Variants in TSC22D1 observed in about 807,000 individuals in gnomAD.
TSC22D1 encodes the protein TSC22 domain family protein 1.
TSC22D1 carries 9 observed loss-of-function variants against 74.2 expected under a neutral mutation model. The observed-to-expected ratio is 0.12, with a 90% confidence interval of 0.07 to 0.21. The LOEUF is 0.21. Among genes scored for constraint, TSC22D1 ranks in the 10% least tolerant of loss-of-function variants. The pLI is 1.00. For synonymous variants in TSC22D1, 586 were observed against 492.5 expected (o/e 1.19, Z -2.51); for missense variants, 1,427 against 1,304.7 (o/e 1.09, Z -1.44).
In TSC22D1 at chr13:44,574,490, T is replaced by C; in HGVS notation, c.1585A>G (p.Ser529Gly). 1 of 1,614,206 alleles carries C rather than the reference T, an allele frequency of 6.2e-7. No individual in the cohort carries two copies. Among genetic ancestry groups the C allele is most frequent in the African/African-American group, 1.3e-5 (1 of 75,058 alleles). Reference sequence around the variant, plus strand: ...TGTGGTATACTAACTGCTGGAATACTCTGTGGACCAGTGCTACCAAAATCC... The same window carrying C: ...TGTGGTATACTAACTGCTGGAATACCCTGTGGACCAGTGCTACCAAAATCC... The part of the protein sequence containing the change: ...QMDFGSTGPQ[S>G]IPAVSIPQSI... Residue 529 changes from serine to glycine, a missense_variant, in exon 1 of 3, where the codon AGT becomes GGT. By Grantham distance (56) the Ser-to-Gly change is moderately conservative. Transcript: ENST00000458659.
intron 1 of TSC22D1, chr13:44,539,403 T>A: frequency 1.0e-6 from 1 of 985,368 alleles, no homozygotes; most frequent in Non-Finnish European, 1.2e-6. Context: ...AATGTCCAGT[T>A]TGCCCAAAGA....
chr13:44,526,949 T>C (rs1171646730), intron 1 of TSC22D1, among the ~76,000 whole-genome samples: 48 of 152,156 alleles, frequency 3.2e-4, no homozygotes. Context: ...CCACAGATGG[T>C]AGTTAAGAGA....
chr13:44,566,462 G>A (rs550896032), intron 1 of TSC22D1, among the ~76,000 whole-genome samples: 1 of 152,206 alleles, frequency 6.6e-6, no homozygotes, highest in Non-Finnish European at 1.5e-5. Flanking sequence ...CTGAAATTCT[G>A]AATTACATAC....
chr13:44,511,919 T>A lies in TSC22D1; in HGVS notation c.2912+61244A>T, dbSNP rs141595514. ...ACCCAAGCAAAGGGCAGAATTAGGA[T>A]CTTCCATCCCCTTTAAATGCCAATG... On this transcript the variant is annotated intron_variant, in intron 1 of 2. Coordinates refer to ENST00000458659, the MANE Select transcript of TSC22D1 (RefSeq NM_183422.4). Among the ~76,000 whole-genome samples the A allele has an allele frequency of 7.9e-5, 12 of 152,282 alleles. No homozygotes were observed. The East Asian group carries it at 2.3e-3, about 29-fold the overall frequency.
At chr13:44,555,476 C>T (rs1026727663) in intron 1 of TSC22D1, among the ~76,000 whole-genome samples, 3 of 152,056 alleles carry the variant, frequency 2.0e-5, no homozygotes, top group East Asian at 1.9e-4. Flanking sequence ...TGTCGTGGCG[C>T]GAGCCTGTCA....
chr13:44,527,952 A>G (rs1044511540), intron 1 of TSC22D1, among the ~76,000 whole-genome samples: 11 of 152,116 alleles, frequency 7.2e-5, no homozygotes, highest in African/African-American at 2.7e-4. Context: ...TCAAAGACAA[A>G]GGGCATTTCA....
rs112666386 is a variant in TSC22D1, at chr13:44,530,439, T to TA, written c.2912+42723dup. ...AGATCTAAATGTAAATCACAAAACT[T>TA]AAAAAAAAATCTGTAGGATATAAAA... On this transcript the variant is annotated intron_variant, in intron 1 of 2. Coordinates refer to ENST00000458659, the MANE Select transcript of TSC22D1 (RefSeq NM_183422.4). Among the ~76,000 whole-genome samples, 286 of 150,384 alleles carry TA rather than the reference T, an allele frequency of 1.9e-3. 2 individuals carry two copies. The highest frequency in any genetic ancestry group is 6.5e-3 in the African/African-American group (267 of 41,168).
intron 1 of TSC22D1, among the ~76,000 whole-genome samples, chr13:44,527,473 G>A (rs1460367786): frequency 3.3e-5 from 5 of 152,078 alleles, no homozygotes; most frequent in Admixed American, 6.5e-5. Flanking sequence ...AGGTGGATTC[G>A]TTGTAAATGT....
intron 1 of TSC22D1, 141 bp from the exon 2 acceptor site, chr13:44,436,236 A>T: frequency 9.7e-7 from 1 of 1,030,778 alleles, no homozygotes; most frequent in Non-Finnish European, 1.4e-6. Context: ...ATCACCCTCC[A>T]GAAAATGCCA....
chr13:44,511,653 T>C (rs976543458), intron 1 of TSC22D1, among the ~76,000 whole-genome samples: 10 of 138,332 alleles, frequency 7.2e-5, no homozygotes, highest in Admixed American at 5.1e-4. Flanking sequence ...CACACACACT[T>C]TTTTGTTGTT....
chr13:44,453,570 G>A lies in TSC22D1; in HGVS notation c.2913-17475C>T, dbSNP rs116103663. ...AGTGGTCAGACAACTTACCCAAGGAGACATATGTTTAACAAATGGCAGAGC... is the reference window on the plus strand; with the variant it reads ...AGTGGTCAGACAACTTACCCAAGGAAACATATGTTTAACAAATGGCAGAGC... On this transcript the variant is annotated intron_variant, in intron 1 of 2. Transcript: ENST00000458659. 7.6e-3 allele frequency among the ~76,000 whole-genome samples: 1,151 copies of A among 152,274 alleles called. 21 individuals carry two copies. The highest frequency in any genetic ancestry group is 0.026 in the African/African-American group (1,085 of 41,544).
At chr13:44,509,310 G>A in intron 1 of TSC22D1, among the ~76,000 whole-genome samples, 1 of 152,208 alleles carries the variant, frequency 6.6e-6, no homozygotes, top group Non-Finnish European at 1.5e-5. Context: ...GCACAACAAT[G>A]TGAATATACT....
Position 44,564,081 on chromosome 13 carries a change from T to C in TSC22D1, c.2912+9082A>G, listed in dbSNP as rs192201662. Among the ~76,000 whole-genome samples the C allele has an allele frequency of 2.9e-3, 434 of 152,278 alleles. 15 individuals are homozygous for C. Among genetic ancestry groups the C allele is most frequent in the Admixed American group, 0.026 (401 of 15,298 alleles). On this transcript the variant is annotated intron_variant, in intron 1 of 2. Coordinates refer to ENST00000458659, the MANE Select transcript of TSC22D1 (RefSeq NM_183422.4). ...GTTAATTCTCTCTTAAAGGAGAAAA[T>C]AGTGTTATCACATGATCATAAAGAA...
intron 1 of TSC22D1, among the ~76,000 whole-genome samples, chr13:44,569,047 A>G (rs1025419150): frequency 6.6e-6 from 1 of 152,228 alleles, no homozygotes; most frequent in Non-Finnish European, 1.5e-5. Context: ...GGAAGTTAAT[A>G]CAGACAAAAA....
intron 1 of TSC22D1, among the ~76,000 whole-genome samples, chr13:44,546,964 G>A: frequency 6.6e-6 from 1 of 152,014 alleles, no homozygotes; most frequent in Admixed American, 6.6e-5. Flanking sequence ...GTTTCATCAT[G>A]TTGCCCAGGC....
chr13:44,525,948 A>G (rs1880528488), intron 1 of TSC22D1, among the ~76,000 whole-genome samples: 1 of 152,186 alleles, frequency 6.6e-6, no homozygotes, highest in Non-Finnish European at 1.5e-5. Flanking sequence ...CAAAAATAGA[A>G]AAATTAGCCA....
intron 1 of TSC22D1, among the ~76,000 whole-genome samples, chr13:44,439,468 G>A (rs558025744): frequency 7.9e-5 from 12 of 152,356 alleles, no homozygotes; most frequent in Admixed American, 5.2e-4. Context: ...AGAAATGTCC[G>A]TGGCACAAAT....
At chr13:44,503,730 T>C (rs754452277) in intron 1 of TSC22D1, among the ~76,000 whole-genome samples, 1 of 152,218 alleles carries the variant, frequency 6.6e-6, no homozygotes, top group Non-Finnish European at 1.5e-5. Context: ...GGCAAGTTGA[T>C]GAGTAGGTCA....
intron 1 of TSC22D1, among the ~76,000 whole-genome samples, chr13:44,453,340 T>C (rs1030177202): frequency 6.6e-6 from 1 of 152,232 alleles, no homozygotes; most frequent in Non-Finnish European, 1.5e-5. Flanking sequence ...CTGAAGTCAA[T>C]TTTTAAAATG....
Sources: allele counts gnomAD v4.1 joint callset (sites outside exome capture counted in the v4.1 genomes callset), GRCh38; gene constraint gnomAD v4.1.1; transcripts MANE v1.5; gene names NCBI Gene and HGNC (gene_info 2026-07-23, HGNC 2026-07-21).